LDLRAD4: variants seen among roughly 807,000 people sequenced by gnomAD.
LDLRAD4 encodes the protein low-density lipoprotein receptor class A domain-containing protein 4.
Under a neutral mutation model 17.0 loss-of-function variants are expected in LDLRAD4, and 5 were observed. That is an observed-to-expected ratio of 0.29 (90% CI 0.15 to 0.62). The LOEUF (loss-of-function observed/expected upper bound fraction) is 0.62. LDLRAD4 is among the 20% of genes least tolerant of loss of function. The pLI, the probability that LDLRAD4 is intolerant of heterozygous loss-of-function variation, is 0.84. For synonymous variants in LDLRAD4, 168 were observed against 171.8 expected (o/e 0.98, Z 0.17); for missense variants, 340 against 424.7 (o/e 0.80, Z 1.75).
At position 13,426,971 on chromosome 18, in the gene LDLRAD4, G is replaced by T. The variant is rs182511381; in HGVS notation, c.41-11273G>T. Among the ~76,000 whole-genome samples, 101 of 152,222 alleles carry T rather than the reference G, an allele frequency of 6.6e-4. 1 individual carries two copies. The highest frequency in any genetic ancestry group is 3.4e-3 in the Middle Eastern group (1 of 294). On this transcript the variant is annotated intron_variant, in intron 2 of 5. Coordinates refer to ENST00000359446, the Ensembl canonical transcript of LDLRAD4. ...GAGGCTGAGGCGGGCGGATCACGAA[G>T]TTAGCAGATTGAGACCATCCTGGCC...
chr18:13,455,156 G>A (rs1457163915), intron 3 of LDLRAD4, among the ~76,000 whole-genome samples: 1 of 152,182 alleles, frequency 6.6e-6, no homozygotes, highest in Non-Finnish European at 1.5e-5. Context: ...ACCAGGACCA[G>A]GGATGTTCCT....
chr18:13,491,555 G>A (rs953976713), intron 3 of LDLRAD4: 4 of 152,192 alleles, frequency 2.6e-5, no homozygotes, highest in Non-Finnish European at 5.9e-5. Flanking sequence ...TCTAGTTTCT[G>A]TCTGTTTCCT....
chr18:13,589,948 G>T (rs886267089), intron 3 of LDLRAD4, among the ~76,000 whole-genome samples: 1 of 152,144 alleles, frequency 6.6e-6, no homozygotes, highest in African/African-American at 2.4e-5. Context: ...GACAAGGCAG[G>T]CATTGGGTGT....
intron 1 of LDLRAD4, among the ~76,000 whole-genome samples, chr18:13,375,150 C>G (rs1262087895): frequency 6.6e-6 from 1 of 152,204 alleles, no homozygotes; most frequent in Non-Finnish European, 1.5e-5. Flanking sequence ...CACTGTAAAA[C>G]CTGCTTTGCC....
intron 1 of LDLRAD4, among the ~76,000 whole-genome samples, chr18:13,313,580 G>A (rs971584324): frequency 6.0e-5 from 9 of 150,552 alleles, no homozygotes; most frequent in South Asian, 2.2e-4. Context: ...GCCTTCCCCC[G>A]CCACCGTCCC....
chr18:13,576,870 TC>T (rs1157082327), intron 3 of LDLRAD4, among the ~76,000 whole-genome samples: 1 of 152,234 alleles, frequency 6.6e-6, no homozygotes, highest in Non-Finnish European at 1.5e-5. Context: ...TGAGCTCCGC[TC>T]AGAGAAACTG....
In LDLRAD4 at chr18:13,621,267, C is replaced by G. The variant is rs767437921; in HGVS notation, c.332C>G (p.Pro111Arg). The change falls in exon 4 of 6, where the codon CCG (proline) becomes CGG (arginine). Residue 111 changes from proline (P) to arginine (R), a missense_variant. By Grantham distance (103) the Pro-to-Arg change is moderately radical (BLOSUM62 -2). Coordinates refer to ENST00000359446, the Ensembl canonical transcript of LDLRAD4. The surrounding 1 kb of genome is among the most constrained non-coding windows in gnomAD (Gnocchi z 5.5). ...AGCCGGAGGCGGGAGGACGGGCTGC[C>G]GCAGGTGAGTACCCTGGCCGCCCCG... 2.5e-6 allele frequency: 4 copies of G among 1,611,714 alleles called. No homozygotes were observed. The highest frequency in any genetic ancestry group is 3.4e-6 in the Non-Finnish European group (4 of 1,179,518).
At chr18:13,291,167 C>T (rs983637673) in intron 1 of LDLRAD4, among the ~76,000 whole-genome samples, 32 of 152,162 alleles carry the variant, frequency 2.1e-4, no homozygotes, top group African/African-American at 7.5e-4. Context: ...ACATCCACGC[C>T]GCCTCTCCTT....
At chr18:13,251,692 A>G (rs900446663) in intron 1 of LDLRAD4, among the ~76,000 whole-genome samples, 1 of 152,246 alleles carries the variant, frequency 6.6e-6, no homozygotes, top group African/African-American at 2.4e-5. Flanking sequence ...AAGGAAAACT[A>G]CAAAGCATCG....
chr18:13,401,246 C>A (rs758119462), intron 2 of LDLRAD4, among the ~76,000 whole-genome samples: 2 of 151,826 alleles, frequency 1.3e-5, no homozygotes, highest in African/African-American at 2.4e-5. Flanking sequence ...GGCAGGTGGG[C>A]AGTCACTGTA....
rs182935975 is a variant in LDLRAD4 at position 13,423,389 on chromosome 18, A to G, written c.41-14855A>G. Reference sequence around the variant, plus strand: ...GCTCCTGTAATCCTAGCTACTTAGGAAGCTGAGGCAAGAGAATCTCTTGAA... The same window carrying G: ...GCTCCTGTAATCCTAGCTACTTAGGGAGCTGAGGCAAGAGAATCTCTTGAA... On this transcript the variant is annotated intron_variant, in intron 2 of 5. Transcript: ENST00000359446. Among the ~76,000 whole-genome samples, 599 of 152,084 alleles carry G rather than the reference A, an allele frequency of 3.9e-3. 4 individuals carry two copies. Among genetic ancestry groups the G allele is most frequent in the African/African-American group, 0.013 (548 of 41,470 alleles).
intron 1 of LDLRAD4, among the ~76,000 whole-genome samples, chr18:13,271,893 C>CTT (rs753254188): frequency 0.38 from 29,620 of 78,842 alleles, 6,767 homozygotes; most frequent in East Asian, 0.45. Context: ...CTGTTCAGTG[C>CTT]TTTTTTTTTT....
At chr18:13,651,430 T>C (rs1208737984) in exon 6 of LDLRAD4, 2 of 152,252 alleles carry the variant, frequency 1.3e-5, no homozygotes, top group Non-Finnish European at 2.9e-5. Flanking sequence ...TAGAAGAGAC[T>C]TGGCTGTCAG....
At chr18:13,467,005 A>G (rs929034506) in intron 3 of LDLRAD4, among the ~76,000 whole-genome samples, 1 of 152,292 alleles carries the variant, frequency 6.6e-6, no homozygotes, top group East Asian at 1.9e-4. Flanking sequence ...GGGCACAAAC[A>G]TTCAGTCTAT....
At chr18:13,572,159 G>A (rs899564861) in intron 3 of LDLRAD4, among the ~76,000 whole-genome samples, 6 of 152,194 alleles carry the variant, frequency 3.9e-5, no homozygotes, top group South Asian at 2.1e-4. Flanking sequence ...ATGTCATTTC[G>A]TTTACAGTTG....
At chr18:13,247,382 G>A (rs2043008329) in intron 1 of LDLRAD4, among the ~76,000 whole-genome samples, 2 of 152,198 alleles carry the variant, frequency 1.3e-5, no homozygotes, top group South Asian at 2.1e-4. Flanking sequence ...AACTGCTAAC[G>A]AAAACCATAG....
chr18:13,466,472 C>CAAA (rs5823251), intron 3 of LDLRAD4, among the ~76,000 whole-genome samples: 6,531 of 108,180 alleles, frequency 0.06, 511 homozygotes, highest in African/African-American at 0.19. Flanking sequence ...CTTGTTTCAC[C>CAAA]AAAAAAAAAA....
chr18:13,246,273 G>T (rs1044002465), intron 1 of LDLRAD4, among the ~76,000 whole-genome samples: 1 of 152,234 alleles, frequency 6.6e-6, no homozygotes, highest in African/African-American at 2.4e-5. Flanking sequence ...TTTTGCCCAT[G>T]CTGAGACTGC....
chr18:13,454,676 G>A (rs899210687), intron 3 of LDLRAD4, among the ~76,000 whole-genome samples: 5 of 152,194 alleles, frequency 3.3e-5, no homozygotes, highest in Non-Finnish European at 7.3e-5. Context: ...TGCCTGGCCC[G>A]GGATGGCCAT....
Sources: allele counts gnomAD v4.1 joint callset (sites outside exome capture counted in the v4.1 genomes callset), GRCh38; gene constraint gnomAD v4.1.1; non-coding constraint Gnocchi (gnomAD v3.1); transcripts MANE v1.5; gene names NCBI Gene and HGNC (gene_info 2026-07-23, HGNC 2026-07-21).